The following NAALADL2 variants were observed in gnomAD, a reference collection of about 807,000 sequenced individuals.
The protein encoded by NAALADL2 is N-acetylated alpha-linked acidic dipeptidase like 2.
NAALADL2 carries 76 observed loss-of-function variants against 87.2 expected under a neutral mutation model. The observed-to-expected ratio is 0.87, with a 90% CI of 0.72 to 1.05. The LOEUF is 1.05. Ranked by LOEUF, NAALADL2 falls within the 50% of genes least tolerant of loss-of-function variation. The pLI, the probability that NAALADL2 is intolerant of heterozygous loss-of-function variation, is 0.00. For missense variants in NAALADL2, 1,089 were observed against 945.8 expected, an observed-to-expected ratio of 1.15 and a Z score of -1.99; for synonymous variants, 354 against 331.0, an observed-to-expected ratio of 1.07 and a Z score of -0.75.
chr3:174,630,967 C>G (rs149371587), intron 2 of NAALADL2, among the ~76,000 whole-genome samples: 5 of 152,056 alleles, frequency 3.3e-5, no homozygotes, highest in African/African-American at 1.2e-4. Flanking sequence ...TATATTTTGC[C>G]GTACCTTTCA....
At chr3:175,377,343 T>C (rs1446359711) in intron 5 of NAALADL2, among the ~76,000 whole-genome samples, 1 of 152,096 alleles carries the variant, frequency 6.6e-6, no homozygotes, top group Non-Finnish European at 1.5e-5. Flanking sequence ...ATCAAATTTG[T>C]TTATAATAGT....
In NAALADL2 at chr3:174,574,235, T is replaced by C. The variant is rs184462130; in HGVS notation, c.-115+23598T>C. ...AAAAGAAAATTCAAGAAGAGGGAAT[T>C]TTTGACTTTTTTTTTGTAGATTTTG... On this transcript the variant is annotated intron_variant, in intron 2 of 3. Coordinates refer to the NAALADL2 transcript ENST00000434257. Among the ~76,000 whole-genome samples the C allele has an allele frequency of 6.3e-4, 95 of 150,116 alleles. 1 individual carries two copies. In the East Asian group the frequency reaches 0.017, roughly 27 times the overall value.
At chr3:174,559,580 C>T (rs1299104692) in intron 2 of NAALADL2, among the ~76,000 whole-genome samples, 1 of 152,114 alleles carries the variant, frequency 6.6e-6, no homozygotes, top group Non-Finnish European at 1.5e-5. Flanking sequence ...ACTGGGTGAC[C>T]TATCAGCAAC....
chr3:175,558,127 G>A (rs537010926), intron 9 of NAALADL2, among the ~76,000 whole-genome samples: 6 of 150,220 alleles, frequency 4.0e-5, no homozygotes, highest in East Asian at 3.9e-4. Context: ...CCCGGGAGGC[G>A]GAGCTTGTAG....
intron 1 of NAALADL2, among the ~76,000 whole-genome samples, chr3:174,549,761 C>T (rs1435471979): frequency 6.6e-6 from 1 of 152,076 alleles, no homozygotes; most frequent in African/African-American, 2.4e-5. Flanking sequence ...AGAAGTATCC[C>T]CAAACTGGAG....
chr3:174,976,796 C>A (rs1341343958), intron 1 of NAALADL2, among the ~76,000 whole-genome samples: 5 of 152,146 alleles, frequency 3.3e-5, no homozygotes, highest in Non-Finnish European at 7.4e-5. Context: ...ATTTTAATTT[C>A]TTTTCCAGTA....
intron 1 of NAALADL2, among the ~76,000 whole-genome samples, chr3:174,967,079 C>A (rs1463057010): frequency 1.3e-5 from 2 of 152,122 alleles, no homozygotes; most frequent in Admixed American, 1.3e-4. Flanking sequence ...CTGTTAGTAT[C>A]ATCTGGAGAC....
intron 5 of NAALADL2, among the ~76,000 whole-genome samples, chr3:175,408,857 T>G (rs1712929407): frequency 6.6e-6 from 1 of 152,044 alleles, no homozygotes; most frequent in Admixed American, 6.6e-5. Flanking sequence ...GGTAGTCAAA[T>G]AGATGAAAAA....
chr3:175,728,479 G>T (rs774196040), intron 11 of NAALADL2, among the ~76,000 whole-genome samples: 3 of 152,118 alleles, frequency 2.0e-5, no homozygotes. Flanking sequence ...GAAAGGGGTC[G>T]TGAGGACTGG....
At chr3:174,947,985 T>G (rs1739720107) in intron 1 of NAALADL2, among the ~76,000 whole-genome samples, 2 of 152,086 alleles carry the variant, frequency 1.3e-5, no homozygotes, top group Non-Finnish European at 2.9e-5. Flanking sequence ...ATTTTTAACA[T>G]TTTATATAAT....
intron 5 of NAALADL2, among the ~76,000 whole-genome samples, chr3:175,381,436 T>C (rs1358744645): frequency 6.6e-6 from 1 of 151,928 alleles, no homozygotes; most frequent in Non-Finnish European, 1.5e-5. Context: ...GAAGTATGTG[T>C]ATTTTAATAT....
intron 2 of NAALADL2, among the ~76,000 whole-genome samples, chr3:175,189,180 C>G (rs1737781611): frequency 6.6e-6 from 1 of 152,114 alleles, no homozygotes; most frequent in South Asian, 2.1e-4. Context: ...AAGTACCAAG[C>G]AAAGATGACC....
chr3:175,684,568 A>G (rs2149893056), intron 11 of NAALADL2, among the ~76,000 whole-genome samples: 1 of 152,258 alleles, frequency 6.6e-6, no homozygotes, highest in African/African-American at 2.4e-5. Context: ...GCTGAACTGG[A>G]GGATCACTTG....
Position 175,534,070 on chromosome 3 carries a change from T to A in NAALADL2, c.1654-41971T>A, listed in dbSNP as rs1021821578. Among the ~76,000 whole-genome samples the A allele has an allele frequency of 4.6e-5, 7 of 151,178 alleles. No individual in the cohort carries two copies. The East Asian group carries it at 5.8e-4, about 13-fold the overall frequency. ...AATTATTTATTTATAATAAATAAAT[T>A]ATTTATTATGCCAAGGATTATCAGT... On this transcript the variant is annotated intron_variant, in intron 9 of 13. Coordinates refer to ENST00000454872, the MANE Select transcript of NAALADL2 (RefSeq NM_207015.3).
rs1733131968 is a variant in NAALADL2, at chr3:175,667,160, AAAAAG to A, written c.1896+39778_1896+39782del. 2.1e-5 allele frequency among the ~76,000 whole-genome samples: 3 copies of A among 144,322 alleles called. No individual in the cohort carries two copies. The South Asian group carries it at 6.3e-4, about 30-fold the overall frequency. 94.7% of individuals were successfully genotyped at this position (144,322 alleles called of 152,430 possible). A position where few individuals can be genotyped will look rare whatever the true frequency, so the allele number is the denominator to read the frequency against. On this transcript the variant is annotated intron_variant, in intron 11 of 13. Transcript: ENST00000454872. ...GAAAGAAAGAGAGAGAGAGAGAAAG[AAAAAG>A]AAAGAAAGAAAGAAAGAGAAAGAAA...
chr3:175,016,393 A>C (rs938175897), intron 1 of NAALADL2, among the ~76,000 whole-genome samples: 6 of 151,178 alleles, frequency 4.0e-5, no homozygotes, highest in Non-Finnish European at 1.5e-5. Flanking sequence ...GATGCTTAGG[A>C]TATATTGCTC....
intron 8 of NAALADL2, among the ~76,000 whole-genome samples, chr3:175,468,994 C>T (rs1223679385): frequency 6.6e-6 from 1 of 151,844 alleles, no homozygotes; most frequent in Non-Finnish European, 1.5e-5. Context: ...TGTGGGAGTT[C>T]ACAGGAAAAA....
chr3:174,619,750 T>A (rs1720820631), intron 2 of NAALADL2, among the ~76,000 whole-genome samples: 1 of 152,024 alleles, frequency 6.6e-6, no homozygotes, highest in African/African-American at 2.4e-5. Flanking sequence ...TTGAAAATAA[T>A]TATTTCCCTG....
chr3:175,490,764 G>T (rs1202783594), intron 9 of NAALADL2, among the ~76,000 whole-genome samples: 1 of 151,974 alleles, frequency 6.6e-6, no homozygotes, highest in Non-Finnish European at 1.5e-5. Context: ...CTAAATGTGG[G>T]AGTGGATGAA....
Sources: allele counts gnomAD v4.1 joint callset (sites outside exome capture counted in the v4.1 genomes callset), GRCh38; gene constraint gnomAD v4.1.1; transcripts MANE v1.5; gene names NCBI Gene and HGNC (gene_info 2026-07-23, HGNC 2026-07-21).